The following TMEM255B variants were observed in gnomAD, a reference collection of about 807,000 sequenced individuals.
TMEM255B encodes transmembrane protein 255B, also known as family with sequence similarity 70, member B.
A neutral mutation model predicts 34.5 loss-of-function variants in TMEM255B; 35 were observed. The observed-to-expected ratio is 1.01, with a 90% CI of 0.77 to 1.34. The LOEUF is 1.34. TMEM255B is among the 40% of genes most tolerant of loss of function. The pLI is 0.00. For synonymous variants in TMEM255B, 206 were observed against 201.2 expected, an observed-to-expected ratio of 1.02 and a Z score of -0.20; for missense variants, 432 against 433.2, an observed-to-expected ratio of 1.00 and a Z score of 0.02.
At chr13:113,803,671 A>G (rs1331859142) in intron 7 of TMEM255B, among the ~76,000 whole-genome samples, 1 of 151,634 alleles carries the variant, frequency 6.6e-6, no homozygotes, top group South Asian at 2.1e-4. Flanking sequence ...ACGACCCTCC[A>G]TGCCCATCCA....
intron 1 of TMEM255B, among the ~76,000 whole-genome samples, chr13:113,764,102 G>A (rs1006302080): frequency 2.0e-5 from 3 of 152,210 alleles, no homozygotes; most frequent in African/African-American, 4.8e-5. Flanking sequence ...ACACAGGAAG[G>A]CAGGTGTGGC....
chr13:113,788,605 G>A (rs1371900655), intron 3 of TMEM255B, among the ~76,000 whole-genome samples: 1 of 152,080 alleles, frequency 6.6e-6, no homozygotes, highest in African/African-American at 2.4e-5. Context: ...AGCCGTCATC[G>A]TGTGGGTGAT....
At chr13:113,774,723 A>G (rs913281030) in intron 3 of TMEM255B, among the ~76,000 whole-genome samples, 8 of 134,928 alleles carry the variant, frequency 5.9e-5, no homozygotes, top group Admixed American at 1.6e-4. Flanking sequence ...CACCACATAC[A>G]CTACACACAC....
At chr13:113,809,030 G>T (rs1191408021) in intron 8 of TMEM255B, among the ~76,000 whole-genome samples, 1 of 129,470 alleles carries the variant, frequency 7.7e-6, no homozygotes, top group Non-Finnish European at 1.6e-5. Flanking sequence ...GGTTTACTCT[G>T]TGGTTTTTGG....
intron 3 of TMEM255B, among the ~76,000 whole-genome samples, chr13:113,781,722 G>A (rs1297753460): frequency 1.3e-5 from 2 of 152,106 alleles, no homozygotes; most frequent in East Asian, 3.9e-4. Flanking sequence ...ATTTTATAAA[G>A]CATTTAGGAG....
intron 3 of TMEM255B, among the ~76,000 whole-genome samples, chr13:113,794,369 C>T (rs1432617510): frequency 6.6e-6 from 1 of 152,014 alleles, no homozygotes; most frequent in Non-Finnish European, 1.5e-5. Flanking sequence ...CACAGGCCCT[C>T]CCTCTGCTGT....
At position 113,799,454 on chromosome 13, in the gene TMEM255B, C is replaced by G. The variant is rs201315236; in HGVS notation, c.423+35C>G. The G allele has an allele frequency of 6.2e-6, 10 of 1,601,508 alleles. No individual in the cohort carries two copies. In the East Asian group the frequency reaches 2.0e-4, roughly 32 times the overall value. ...AGCACTGAGATTCATGTGGGTTTTG[C>G]TCAGCTAACCCCGCCGACCCCACGC... On this transcript the variant is annotated intron_variant, in intron 5 of 8. Transcript: ENST00000375353.
chr13:113,761,466 A>G, intron 1 of TMEM255B: 1 of 677,248 alleles, frequency 1.5e-6, no homozygotes, highest in Non-Finnish European at 1.8e-6. Flanking sequence ...GGGGAGTGAC[A>G]AGGTGATATT....
At chr13:113,766,416 C>G (rs1390582359) in intron 2 of TMEM255B, 159 bp downstream of exon 2, 31 of 1,029,680 alleles carry the variant, frequency 3.0e-5, no homozygotes, top group Non-Finnish European at 4.3e-5. Context: ...CAGACATGCA[C>G]TTCCCAATCC....
At chr13:113,791,149 G>A (rs928190217) in intron 3 of TMEM255B, among the ~76,000 whole-genome samples, 1 of 152,212 alleles carries the variant, frequency 6.6e-6, no homozygotes, top group Admixed American at 6.5e-5. Context: ...CTGGGCCTGT[G>A]TCCTGCCCAG....
rs566299577 is a variant in TMEM255B at position 113,795,091 on chromosome 13, C to T, written c.253-57C>T. 4.8e-5 allele frequency: 73 copies of T among 1,534,804 alleles called. No homozygotes were observed. The Middle Eastern group carries it at 5.8e-4, about 12-fold the overall frequency. The stretch of plus-strand genomic sequence containing the variant: ...CGAGCTGGGACTTTGAATTGGTTTG[C>T]GTTTGAAAACCGGGGTTGGTAAAAG... On this transcript the variant is annotated intron_variant, in intron 3 of 8. Coordinates refer to ENST00000375353, the MANE Select transcript of TMEM255B (RefSeq NM_182614.4).
chr13:113,763,587 A>C (rs930436869), intron 1 of TMEM255B, among the ~76,000 whole-genome samples: 20 of 152,340 alleles, frequency 1.3e-4, no homozygotes, highest in African/African-American at 4.8e-4. Flanking sequence ...TTTAAGAAAA[A>C]AATGTTTTAA....
At chr13:113,772,706 T>C (rs1329999216) in intron 3 of TMEM255B, among the ~76,000 whole-genome samples, 2 of 152,242 alleles carry the variant, frequency 1.3e-5, no homozygotes, top group Non-Finnish European at 2.9e-5. Context: ...TGTTGAAAAT[T>C]AATTGGCCAT....
chr13:113,801,516 C>T (rs948490924), intron 6 of TMEM255B, 137 bp from the exon 7 acceptor site: 14 of 1,025,788 alleles, frequency 1.4e-5, no homozygotes, highest in Non-Finnish European at 1.8e-5. Context: ...CAGAGCAGTG[C>T]AGGGATGGGC....
chr13:113,805,797 C>T (rs530272958), intron 8 of TMEM255B, among the ~76,000 whole-genome samples: 120 of 152,270 alleles, frequency 7.9e-4, no homozygotes, highest in African/African-American at 1.9e-3. Context: ...GCCGTGTGCC[C>T]CCGGGGACAC....
intron 3 of TMEM255B, among the ~76,000 whole-genome samples, chr13:113,773,056 C>T (rs144804719): frequency 6.6e-6 from 1 of 152,050 alleles, no homozygotes. Context: ...GTTATTTAGA[C>T]CTTCTTTAGT....
At position 113,769,308 on chromosome 13, in the gene TMEM255B, C is replaced by T; in HGVS notation, c.252+148C>T. 8.5e-6 allele frequency: 7 copies of T among 822,160 alleles called. No individual in the cohort carries two copies. In the South Asian group the frequency reaches 9.3e-5, roughly 11 times the overall value. 50.9% of individuals were successfully genotyped at this position (822,160 alleles called of 1,614,324 possible). On this transcript the variant is annotated intron_variant, in intron 3 of 8. Transcript: ENST00000375353. This position sits in a 1 kb window ranked among gnomAD's most constrained non-coding sequence, Gnocchi z 4.2. ...TCTGAGGTTCCCGGGCTGTGGCCTG[C>T]ACAGTCCTGGATACAGGGTTCAGCG...
rs1486763290 is a variant in TMEM255B, at chr13:113,799,324, TA to T, written c.343-14del. On this transcript the variant is annotated splice_polypyrimidine_tract_variant and intron_variant, in intron 4 of 8. Coordinates refer to ENST00000375353, the MANE Select transcript of TMEM255B (RefSeq NM_182614.4). ...GCACCTGTTTTATTCCATCTGTGTTTATCTGTTTCTCTAGGAACCGAGGCCC... is the reference window on the plus strand; with the variant it reads ...GCACCTGTTTTATTCCATCTGTGTTTTCTGTTTCTCTAGGAACCGAGGCCC... 1 of 1,613,412 alleles carries T rather than the reference TA, an allele frequency of 6.2e-7. No individual in the cohort carries two copies. The highest frequency in any genetic ancestry group is 1.7e-5 in the Admixed American group (1 of 59,966).
rs1411878794 is a variant in TMEM255B at position 113,812,242 on chromosome 13, C to T, written c.*339C>T. The T allele has an allele frequency of 2.2e-5, 7 of 322,860 alleles. No homozygotes were observed. The highest frequency in any genetic ancestry group is 2.3e-5 in the Non-Finnish European group (4 of 175,804). The allele number at this position is 322,860 out of a possible 1,614,324, so 20.0% of individuals were successfully genotyped here. On this transcript the variant is annotated 3_prime_UTR_variant, in exon 9 of 9. Transcript: ENST00000375353. ...TTATTATGATTTTGCAAAGACAGTG[C>T]AGCCCCGGCCTCCCTGCCTGTGTGT...
Sources: gnomAD v4.1 joint callset for allele counts (sites outside exome capture counted in the v4.1 genomes callset) on GRCh38, gnomAD v4.1.1 for gene constraint, Gnocchi (gnomAD v3.1) non-coding constraint, MANE v1.5 for transcripts, NCBI Gene and HGNC (gene_info 2026-07-23, HGNC 2026-07-21) for gene names.